The following TMEM132D variants were observed in gnomAD, a reference collection of about 807,000 sequenced individuals.
The protein encoded by TMEM132D is transmembrane protein 132D, also known as mature OL transmembrane protein.
In TMEM132D, 21 loss-of-function variants were observed where a neutral mutation model predicts 62.3. The observed-to-expected ratio is 0.34, with a 90% CI of 0.24 to 0.49. The LOEUF (loss-of-function observed/expected upper bound fraction) is 0.49. Among genes scored for constraint, TMEM132D ranks in the 20% least tolerant of loss-of-function variants. The probability of loss-of-function intolerance (pLI) is 0.99; values close to 1 mark genes in which losing one functional copy is unlikely to be tolerated. For missense variants in TMEM132D, 1,346 were observed against 1,402.8 expected (o/e 0.96, Z 0.65); for synonymous variants, 621 against 575.6 (o/e 1.08, Z -1.13).
intron 2 of TMEM132D, among the ~76,000 whole-genome samples, chr12:129,665,371 C>A (rs183317575): frequency 6.6e-6 from 1 of 152,046 alleles, no homozygotes; most frequent in South Asian, 2.1e-4. Flanking sequence ...ATTTTCAGAG[C>A]GATGCAAGCA....
intron 2 of TMEM132D, among the ~76,000 whole-genome samples, chr12:129,608,938 A>C (rs1245994653): frequency 7.7e-6 from 1 of 129,830 alleles, no homozygotes; most frequent in Admixed American, 8.1e-5. Context: ...GGGCCCTCAA[A>C]TTGTTCTTTT....
At chr12:129,598,886 T>C in intron 2 of TMEM132D, among the ~76,000 whole-genome samples, 1 of 152,340 alleles carries the variant, frequency 6.6e-6, no homozygotes, top group Admixed American at 6.5e-5. Context: ...TAAGCTGAGA[T>C]GGGCCTTTGA....
At chr12:129,326,883 AAAT>A (rs1292588655) in intron 4 of TMEM132D, among the ~76,000 whole-genome samples, 8 of 152,226 alleles carry the variant, frequency 5.3e-5, no homozygotes, top group African/African-American at 1.9e-4. Context: ...GTTTATAATA[AAAT>A]AATAGGTACT....
chr12:129,253,077 A>T (rs1729490919), intron 4 of TMEM132D, among the ~76,000 whole-genome samples: 1 of 150,694 alleles, frequency 6.6e-6, no homozygotes, highest in South Asian at 2.1e-4. Context: ...GCATTAGGAG[A>T]TATACCCAAT....
intron 4 of TMEM132D, among the ~76,000 whole-genome samples, chr12:129,260,976 T>C (rs762278260): frequency 1.3e-5 from 2 of 152,194 alleles, no homozygotes; most frequent in African/African-American, 2.4e-5. Flanking sequence ...TAAACATGCA[T>C]ATGCATCTAT....
chr12:129,236,464 G>A (rs1180512223), intron 4 of TMEM132D, among the ~76,000 whole-genome samples: 2 of 138,644 alleles, frequency 1.4e-5, no homozygotes, highest in South Asian at 2.2e-4. Flanking sequence ...AAGGTGAGCC[G>A]AGATCGCACC....
intron 2 of TMEM132D, among the ~76,000 whole-genome samples, chr12:129,560,721 G>A (rs1000523695): frequency 6.6e-6 from 1 of 152,158 alleles, no homozygotes; most frequent in African/African-American, 2.4e-5. Flanking sequence ...AACAACAAAA[G>A]TTTATCTCCC....
chr12:129,761,341 T>C (rs1265192222), intron 1 of TMEM132D, among the ~76,000 whole-genome samples: 1 of 152,004 alleles, frequency 6.6e-6, no homozygotes, highest in African/African-American at 2.4e-5. Context: ...AGCACCACGA[T>C]GGATCTGACC....
At chr12:129,490,423 C>CTTTTTTTTTTTTT (rs11311745) in intron 3 of TMEM132D, among the ~76,000 whole-genome samples, 1 of 58,552 alleles carries the variant, frequency 1.7e-5, no homozygotes, top group Non-Finnish European at 2.9e-5. Flanking sequence ...ATTTCCTTTC[C>CTTTTTTTTTTTTT]TTTTTTTTTT....
intron 2 of TMEM132D, among the ~76,000 whole-genome samples, chr12:129,673,739 A>G (rs1421776137): frequency 1.3e-5 from 2 of 152,198 alleles, no homozygotes; most frequent in Non-Finnish European, 1.5e-5. Flanking sequence ...AGCAATCTGC[A>G]ATGTCCTGCT....
chr12:129,531,649 A>ATAT (rs1555263166), intron 2 of TMEM132D, among the ~76,000 whole-genome samples: 3 of 152,180 alleles, frequency 2.0e-5, no homozygotes, highest in Non-Finnish European at 4.4e-5. Context: ...CACTGTGTCT[A>ATAT]TATTATCTGA....
chr12:129,137,259 T>C (rs61944813), intron 5 of TMEM132D, among the ~76,000 whole-genome samples: 83,969 of 151,728 alleles, frequency 0.55, 24,955 homozygotes, highest in Non-Finnish European at 0.66. Flanking sequence ...ATCACCACCA[T>C]CAACATCACT....
At chr12:129,864,134 G>A (rs978346425) in intron 1 of TMEM132D, among the ~76,000 whole-genome samples, 6 of 152,184 alleles carry the variant, frequency 3.9e-5, no homozygotes, top group African/African-American at 9.6e-5. Context: ...GGAAGCCAGC[G>A]CCATCTTGTG....
chr12:129,838,369 C>T (rs981781337), intron 1 of TMEM132D, among the ~76,000 whole-genome samples: 1 of 152,210 alleles, frequency 6.6e-6, no homozygotes, highest in South Asian at 2.1e-4. Context: ...TGAGAGAATG[C>T]AACGGTTCCT....
At chr12:129,390,637 C>G (rs1351228579) in intron 3 of TMEM132D, among the ~76,000 whole-genome samples, 1 of 152,182 alleles carries the variant, frequency 6.6e-6, no homozygotes, top group African/African-American at 2.4e-5. Flanking sequence ...CTGGTCACCA[C>G]AAGCCTGCGA....
At chr12:129,429,455 G>T (rs569194524) in intron 3 of TMEM132D, among the ~76,000 whole-genome samples, 14 of 152,118 alleles carry the variant, frequency 9.2e-5, no homozygotes, top group Non-Finnish European at 2.1e-4. Flanking sequence ...CCCCAAAGAA[G>T]AGGCCCCCCC....
At chr12:129,447,015 T>A (rs956875029) in intron 3 of TMEM132D, among the ~76,000 whole-genome samples, 2 of 152,146 alleles carry the variant, frequency 1.3e-5, no homozygotes, top group Non-Finnish European at 2.9e-5. Context: ...CAAGCTAATC[T>A]GCAGTGTAGA....
chr12:129,644,984 TAAA>T (rs749612311), intron 2 of TMEM132D, among the ~76,000 whole-genome samples: 2 of 63,402 alleles, frequency 3.2e-5, no homozygotes. Flanking sequence ...ATAGTCCATC[TAAA>T]AAAAAAAAAA....
chr12:129,410,263 C>T (rs534136949), intron 3 of TMEM132D, among the ~76,000 whole-genome samples: 2 of 152,242 alleles, frequency 1.3e-5, no homozygotes, highest in Admixed American at 6.5e-5. Context: ...CAGAGTTTAC[C>T]GGCATGCAAC....
Sources: allele counts gnomAD v4.1 joint callset (sites outside exome capture counted in the v4.1 genomes callset), GRCh38; gene constraint gnomAD v4.1.1; transcripts MANE v1.5; gene names NCBI Gene and HGNC (gene_info 2026-07-23, HGNC 2026-07-21).